SLC25A39: variants seen among roughly 807,000 people sequenced by gnomAD.
The protein encoded by SLC25A39 is solute carrier family 25 member 39.
A neutral mutation model predicts 46.6 loss-of-function variants in SLC25A39; 44 were observed. The observed-to-expected ratio is 0.94, with a 90% CI of 0.74 to 1.21. The LOEUF (loss-of-function observed/expected upper bound fraction) is 1.21. SLC25A39 is among the 50% of genes most tolerant of loss of function. The pLI, the probability that SLC25A39 is intolerant of heterozygous loss-of-function variation, is 0.00. For synonymous variants in SLC25A39, 218 were observed against 190.6 expected (o/e 1.14, Z -1.19); for missense variants, 487 against 473.0 (o/e 1.03, Z -0.28).
intron 1 of SLC25A39, 154 bp from the exon 2 acceptor site, chr17:44,323,731 A>AC (rs1382831110): frequency 5.9e-5 from 35 of 596,004 alleles, no homozygotes; most frequent in Admixed American, 3.6e-4. Flanking sequence ...TGCAACATCC[A>AC]CCCCCGTTCA....
intron 8 of SLC25A39, 94 bp downstream of exon 8, chr17:44,320,964 A>G: frequency 7.1e-7 from 1 of 1,399,056 alleles, no homozygotes; most frequent in Admixed American, 2.6e-5. Flanking sequence ...AAGTAACTTC[A>G]TGGTCACTAG....
Position 44,320,342 on chromosome 17 carries a change from T to C in SLC25A39, c.883+13A>G, listed in dbSNP as rs373801902. On this transcript the variant is annotated intron_variant, in intron 10 of 11. Transcript: ENST00000377095. ...CCCCACCTGTCCCCTGCCACGGCAA[T>C]CTGGGCCCTCACCTCTCACAGCCTC... 1.1e-4 allele frequency: 174 copies of C among 1,613,518 alleles called. No individual in the cohort carries two copies. The African/African-American group carries it at 2.3e-3, about 21-fold the overall frequency.
At chr17:44,320,173 A>C (rs1199045175) in intron 11 of SLC25A39, 23 bp downstream of exon 11, 5 of 1,613,560 alleles carry the variant, frequency 3.1e-6, no homozygotes, top group Non-Finnish European at 4.2e-6. Context: ...CCATGCCCCC[A>C]CCCCCGACAC....
chr17:44,321,161 G>A lies in SLC25A39; in HGVS notation c.588C>T (p.Tyr196=), dbSNP rs1221391978. 2 of 1,613,000 alleles carry A rather than the reference G, an allele frequency of 1.2e-6. No individual in the cohort carries two copies. Among genetic ancestry groups the A allele is most frequent in the Non-Finnish European group, 1.7e-6 (2 of 1,179,956 alleles). Residue 196 remains tyrosine, a synonymous_variant, in exon 8 of 12, where the codon TAC becomes TAT. Coordinates refer to ENST00000377095, the MANE Select transcript of SLC25A39 (RefSeq NM_001143780.3). ...TTCGAACACAGGCACCCAGCTCCCG[G>A]TACGACACATGCTGAGCCTGCAGCT... ...RTKLQAQHVS[Y]RELGACVRTA...
rs1312626270 is a variant in SLC25A39, at chr17:44,323,362, C to CT, written c.86-20dup. Reference sequence around the variant, plus strand: ...GGTGTCACTGGGGGAGGAAGCGGGTCTGAAGGCTCCTTTCAGGACCCCACC... The same window carrying CT: ...GGTGTCACTGGGGGAGGAAGCGGGTCTTGAAGGCTCCTTTCAGGACCCCACC... On this transcript the variant is annotated intron_variant, in intron 2 of 11. Transcript: ENST00000377095. 20 of 1,607,292 alleles carry CT rather than the reference C, an allele frequency of 1.2e-5. No homozygotes were observed. The highest frequency in any genetic ancestry group is 1.6e-5 in the Non-Finnish European group (19 of 1,176,984).
intron 1 of SLC25A39, 113 bp downstream of exon 1, chr17:44,324,598 A>C (rs1044366853): frequency 2.6e-5 from 4 of 152,278 alleles, no homozygotes; most frequent in Non-Finnish European, 5.9e-5. Context: ...GAGAGCCGCC[A>C]GGTGAGGGGG....
rs757126592 is a variant in SLC25A39, at chr17:44,321,430, T to C, written c.517+4A>G. On this transcript the variant is annotated splice_donor_region_variant and intron_variant, in intron 7 of 11. Transcript: ENST00000377095. ...GGAGGTCAAAGGCCCAAGACTATGC[T>C]CACGGCGGGCCAGCGCGCCAGCCAC... 1 of 1,613,056 alleles carries C rather than the reference T, an allele frequency of 6.2e-7. No individual in the cohort carries two copies. The highest frequency in any genetic ancestry group is 8.5e-7 in the Non-Finnish European group (1 of 1,179,784).
Position 44,320,243 on chromosome 17 carries a change from A to T in SLC25A39, c.917T>A (p.Leu306Gln). ...NPLHVDSTWL[L>Q]LRRIRAESGT... ...CGACTCGGCCCGGATCCTCCGCAGC[A>T]GCAGCCAGGTGGAGTCCACATGCAG... Residue 306 changes from leucine to glutamine, a missense_variant, in exon 11 of 12, where the codon CTG becomes CAG. Leu to Gln is a moderately radical substitution (Grantham distance 113). Transcript: ENST00000377095. The T allele has an allele frequency of 6.2e-7, 1 of 1,613,878 alleles. No individual in the cohort carries two copies. Among genetic ancestry groups the T allele is most frequent in the Non-Finnish European group, 8.5e-7 (1 of 1,180,016 alleles).
Position 44,321,494 on chromosome 17 carries a change from A to G in SLC25A39, c.457T>C (p.Cys153Arg). 1 of 1,614,058 alleles carries G rather than the reference A, an allele frequency of 6.2e-7. No individual in the cohort carries two copies. The highest frequency in any genetic ancestry group is 8.5e-7 in the Non-Finnish European group (1 of 1,179,972). Residue 153 changes from cysteine (C) to arginine (R), a missense_variant, in exon 7 of 12, where the codon TGT (cysteine) becomes CGT (arginine). By Grantham distance (180) the Cys-to-Arg change is radical. Coordinates refer to ENST00000377095, the MANE Select transcript of SLC25A39 (RefSeq NM_001143780.3). ...AGGTCAGAGGTCAGGGCTCGACCAC[A>G]CAGGAAGGCCTTCAGTTGGTCATAG... ...TAYDQLKAFLCGRALTSDLYA... is the reference protein window; with the variant it reads ...TAYDQLKAFLRGRALTSDLYA...
Position 44,320,214 on chromosome 17 carries a change from T to C in SLC25A39, c.946A>G (p.Thr316Ala). Residue 316 changes from threonine to alanine, a missense_variant, in exon 11 of 12, where the codon ACC becomes GCC. Physicochemically the swap from Thr to Ala is moderately conservative, Grantham distance 58. Transcript: ENST00000377095. ...LLRRIRAESG[T>A]KGLFAGFLPR... ...CACTGACCTGCAAAGAGTCCCTTGG[T>C]GCCCGACTCGGCCCGGATCCTCCGC... The C allele has an allele frequency of 6.2e-7, 1 of 1,613,922 alleles. No homozygotes were observed. Among genetic ancestry groups the C allele is most frequent in the Non-Finnish European group, 8.5e-7 (1 of 1,179,992 alleles).
At chr17:44,323,607 C>T (rs1598349862) in intron 1 of SLC25A39, 30 bp from the exon 2 acceptor site, 1 of 1,478,368 alleles carries the variant, frequency 6.8e-7, no homozygotes, top group South Asian at 1.2e-5. Flanking sequence ...CAGACCACAA[C>T]TCCAGGGATG....
In SLC25A39 at chr17:44,320,093, C is replaced by G. The variant is rs780031604; in HGVS notation, c.988G>C (p.Ala330Pro). The G allele has an allele frequency of 6.2e-7, 1 of 1,614,054 alleles. No homozygotes were observed. Among genetic ancestry groups the G allele is most frequent in the Admixed American group, 1.7e-5 (1 of 60,016 alleles). Residue 330 changes from alanine (A) to proline (P), a missense_variant, in exon 12 of 12, where the codon GCT (alanine) becomes CCT (proline). Ala to Pro is a conservative substitution (Grantham distance 27, BLOSUM62 -1). Coordinates refer to ENST00000377095, the MANE Select transcript of SLC25A39 (RefSeq NM_001143780.3). ...FAGFLPRIIKAAPSCAIMIST... is the reference protein window; with the variant it reads ...FAGFLPRIIKPAPSCAIMIST... ...ATCATGATGGCACAGGAGGGGGCAGCCTTGATGATCCGAGGAAGGAAGCCT... is the reference window on the plus strand; with the variant it reads ...ATCATGATGGCACAGGAGGGGGCAGGCTTGATGATCCGAGGAAGGAAGCCT...
intron 7 of SLC25A39, 28 bp from the exon 8 acceptor site, chr17:44,321,259 G>T (rs771035680): frequency 3.2e-5 from 51 of 1,590,534 alleles, no homozygotes; most frequent in Non-Finnish European, 1.1e-5. Flanking sequence ...GTGACAATGG[G>T]GAGAAGTGAG....
At chr17:44,322,178 G>A (rs560372516) in intron 5 of SLC25A39, among the ~76,000 whole-genome samples, 1 of 152,306 alleles carries the variant, frequency 6.6e-6, no homozygotes, top group African/African-American at 2.4e-5. Flanking sequence ...GAACCCAGGA[G>A]ACAGAGGTTG....
rs1025876563 is a variant in SLC25A39, at chr17:44,322,640, G to A, written c.191-88C>T. 3 of 1,569,534 alleles carry A rather than the reference G, an allele frequency of 1.9e-6. No individual in the cohort carries two copies. The South Asian group carries it at 3.5e-5, about 18-fold the overall frequency. ...CCCCTATCCCTGGAAGGCCAGTAAA[G>A]GCCAGGTCCCTGTGTGGATGTTCTG... On this transcript the variant is annotated intron_variant, in intron 4 of 11. Transcript: ENST00000377095.
rs1325434298 is a variant in SLC25A39 at position 44,321,057 on chromosome 17, C to T, written c.691+1G>A. The T allele has an allele frequency of 1.3e-6, 2 of 1,591,080 alleles. No individual in the cohort carries two copies. Among genetic ancestry groups the T allele is most frequent in the East Asian group, 4.5e-5 (2 of 44,730 alleles). On this transcript the variant is annotated splice_donor_variant, in intron 8 of 11. Coordinates refer to ENST00000377095, the MANE Select transcript of SLC25A39 (RefSeq NM_001143780.3). LOFTEE classifies it high-confidence loss of function. ...CCACCCCCTGCAGCTTGGGTGCCTA[C>T]CTGAGAAGGGCACATCTCGAAGGGC...
chr17:44,320,268 G>C lies in SLC25A39; in HGVS notation c.892C>G (p.Leu298Val). The part of the protein sequence containing the change: ...GAMEAVRVNP[L>V]HVDSTWLLLR... Reference sequence around the variant, plus strand: ...AGCAGCCAGGTGGAGTCCACATGCAGGGGGTTCACTGCAAACGCGAGGCCG... The same window carrying C: ...AGCAGCCAGGTGGAGTCCACATGCACGGGGTTCACTGCAAACGCGAGGCCG... Residue 298 changes from leucine to valine, a missense_variant, in exon 11 of 12, where the codon CTG becomes GTG. Transcript: ENST00000377095. 6.2e-7 allele frequency: 1 copy of C among 1,613,764 alleles called. No individual in the cohort carries two copies. Among genetic ancestry groups the C allele is most frequent in the Non-Finnish European group, 8.5e-7 (1 of 1,180,026 alleles).
At position 44,322,441 on chromosome 17, in the gene SLC25A39, G is replaced by C; in HGVS notation, c.302C>G (p.Pro101Arg). The part of the protein sequence containing the change: ...GARCATWFQD[P>R]TRFTGTMDAF... The stretch of plus-strand genomic sequence containing the variant: ...CACCATGGTGCCAGTGAAGCGGGTA[G>C]GGTCTTGAAACCAGGTGGCACAGCG... Residue 101 changes from proline to arginine, a missense_variant, in exon 5 of 12, where the codon CCT becomes CGT. Coordinates refer to ENST00000377095, the MANE Select transcript of SLC25A39 (RefSeq NM_001143780.3). The C allele has an allele frequency of 1.9e-6, 3 of 1,614,158 alleles. No homozygotes were observed. Among genetic ancestry groups the C allele is most frequent in the Non-Finnish European group, 1.7e-6 (2 of 1,180,026 alleles).
chr17:44,324,317 G>C (rs2048159292), intron 1 of SLC25A39: 2 of 152,490 alleles, frequency 1.3e-5, no homozygotes, highest in African/African-American at 4.8e-5. Flanking sequence ...CCAAGTTACT[G>C]GGCGTGGAGG....
Sources: gnomAD v4.1 joint callset for allele counts (sites outside exome capture counted in the v4.1 genomes callset) on GRCh38, gnomAD v4.1.1 for gene constraint, MANE v1.5 for transcripts, NCBI Gene and HGNC (gene_info 2026-07-23, HGNC 2026-07-21) for gene names.